The following MPC2 variants were observed in gnomAD, a reference collection of about 807,000 sequenced individuals.
MPC2 encodes brain protein 44.
Under a neutral mutation model 19.2 loss-of-function variants are expected in MPC2, and 19 were observed. That is an observed-to-expected ratio of 0.99 (90% CI 0.69 to 1.45). The LOEUF is 1.45. Among genes scored for constraint, MPC2 ranks in the 40% most tolerant of loss-of-function variants. The pLI, the probability that MPC2 is intolerant of heterozygous loss-of-function variation, is 0.00. For missense variants in MPC2, 122 were observed against 153.0 expected, an observed-to-expected ratio of 0.80 and a Z score of 1.07; for synonymous variants, 61 against 54.3, an observed-to-expected ratio of 1.12 and a Z score of -0.54.
At chr1:167,936,144 C>A (rs1258526844) in intron 1 of MPC2, 2 of 355,966 alleles carry the variant, frequency 5.6e-6, no homozygotes, top group South Asian at 3.1e-5. Context: ...CAAGTCTGCG[C>A]TGCGCCCTGC....
chr1:167,931,403 ATTTTT>A (rs1670906174), intron 2 of MPC2, among the ~76,000 whole-genome samples: 1 of 152,118 alleles, frequency 6.6e-6, no homozygotes, highest in Admixed American at 6.5e-5. Flanking sequence ...AAGATATTCT[ATTTTT>A]CACCAATATT....
At chr1:167,936,019 C>T (rs1021628595) in intron 1 of MPC2, 121 bp from the exon 2 acceptor site, 3 of 612,172 alleles carry the variant, frequency 4.9e-6, no homozygotes, top group African/African-American at 3.7e-5. Context: ...GCGGCCCGCG[C>T]CCCGCGAAGG....
Position 167,932,832 on chromosome 1 carries a change from A to T in MPC2, c.109+2901T>A, listed in dbSNP as rs185910749. Among the ~76,000 whole-genome samples, 33 of 151,722 alleles carry T rather than the reference A, an allele frequency of 2.2e-4. No homozygotes were observed. The East Asian group carries it at 5.2e-3, about 24-fold the overall frequency. ...TCAAAAAAAAAAAAAAAAAAAGAAAAGAAAAGAAAAGAAAAAATAACACTG... is the reference window on the plus strand; with the variant it reads ...TCAAAAAAAAAAAAAAAAAAAGAAATGAAAAGAAAAGAAAAAATAACACTG... On this transcript the variant is annotated intron_variant, in intron 2 of 5. Transcript: ENST00000271373.
In MPC2 at chr1:167,919,422, T is replaced by C. The variant is rs78001000; in HGVS notation, c.347+557A>G. On this transcript the variant is annotated intron_variant, in intron 5 of 5. Coordinates refer to ENST00000271373, the MANE Select transcript of MPC2 (RefSeq NM_001143674.4). Reference sequence around the variant, plus strand: ...TTTCTCAAAAGATCCTGATTTCAAATATTTGATCATAATGTCATTATCATA... The same window carrying C: ...TTTCTCAAAAGATCCTGATTTCAAACATTTGATCATAATGTCATTATCATA... 1.3e-3 allele frequency among the ~76,000 whole-genome samples: 195 copies of C among 152,330 alleles called. 1 individual carries two copies. The highest frequency in any genetic ancestry group is 2.2e-3 in the Non-Finnish European group (149 of 68,036).
chr1:167,933,328 C>T (rs1330660224), intron 2 of MPC2, among the ~76,000 whole-genome samples: 2 of 152,038 alleles, frequency 1.3e-5, no homozygotes, highest in African/African-American at 2.4e-5. Flanking sequence ...CCACTACACC[C>T]GGCTAATTTT....
intron 1 of MPC2, chr1:167,936,450 G>A: frequency 5.5e-6 from 1 of 180,932 alleles, no homozygotes. Context: ...CTCTCTACTC[G>A]TCTTTTATCC....
intron 3 of MPC2, among the ~76,000 whole-genome samples, chr1:167,921,317 G>C (rs1249877744): frequency 6.6e-6 from 1 of 151,806 alleles, no homozygotes; most frequent in Non-Finnish European, 1.5e-5. Flanking sequence ...CCACCTCCCA[G>C]TTTCAAGCAA....
At chr1:167,936,635 C>T in intron 1 of MPC2, 1 of 384,204 alleles carries the variant, frequency 2.6e-6, no homozygotes, top group East Asian at 5.4e-5. Context: ...CCGCCTCCGC[C>T]TCCTCCTGTT....
rs905513165 is a variant in MPC2 at position 167,916,924 on chromosome 1, T to G, written c.*1399A>C. ...CTTCATTGTGGCCTATGTCAAGCTCTCTAATCTTTTCTCCTCAATGGTAGG... is the reference window on the plus strand; with the variant it reads ...CTTCATTGTGGCCTATGTCAAGCTCGCTAATCTTTTCTCCTCAATGGTAGG... On this transcript the variant is annotated 3_prime_UTR_variant, in exon 6 of 6. Coordinates refer to ENST00000271373, the MANE Select transcript of MPC2 (RefSeq NM_001143674.4). The G allele has an allele frequency of 2.6e-5, 4 of 152,230 alleles. No individual in the cohort carries two copies. The highest frequency in any genetic ancestry group is 9.6e-5 in the African/African-American group (4 of 41,454). 9.4% of individuals were successfully genotyped at this position (152,230 alleles called of 1,614,324 possible).
At chr1:167,920,929 GT>G (rs1046106071) in intron 3 of MPC2, among the ~76,000 whole-genome samples, 21 of 151,642 alleles carry the variant, frequency 1.4e-4, no homozygotes, top group Non-Finnish European at 2.8e-4. Context: ...TATATTTTGG[GT>G]TTTTTTTGGT....
chr1:167,921,720 G>GT lies in MPC2; in HGVS notation c.151-1090dup, dbSNP rs536060936. Among the ~76,000 whole-genome samples, 855 of 150,742 alleles carry GT rather than the reference G, an allele frequency of 5.7e-3. 7 individuals carry two copies. The highest frequency in any genetic ancestry group is 0.019 in the African/African-American group (776 of 41,124). ...TGTAATTTACATGATTTAATAAATTGTTTTTTTTTAAAAAAACTAAGCTGG... is the reference window on the plus strand; with the variant it reads ...TGTAATTTACATGATTTAATAAATTGTTTTTTTTTTAAAAAAACTAAGCTGG... On this transcript the variant is annotated intron_variant, in intron 3 of 5. Transcript: ENST00000271373.
In MPC2 at chr1:167,920,555, A is replaced by G. The variant is rs1289531773; in HGVS notation, c.227T>C (p.Met76Thr). 5.6e-6 allele frequency: 9 copies of G among 1,613,696 alleles called. No homozygotes were observed. The highest frequency in any genetic ancestry group is 5.0e-5 in the Admixed American group (3 of 59,960). Residue 76 changes from methionine to threonine, a missense_variant, in exon 4 of 6, where the codon ATG becomes ACG. Transcript: ENST00000271373. ...KLSTAQSAVL[M>T]ATGFIWSRYS... ...ATATTTATTTAATTTACCTGTAGCC[A>G]TCAAAACAGCAGATTGAGCTGTGCT...
intron 3 of MPC2, 34 bp from the exon 4 acceptor site, chr1:167,920,665 C>A: frequency 1.3e-6 from 2 of 1,588,744 alleles, no homozygotes; most frequent in Middle Eastern, 1.7e-4. Flanking sequence ...AAAAAAGTAT[C>A]ACAAATGTGG....
At position 167,918,164 on chromosome 1, in the gene MPC2, TTAAAA is replaced by T. The variant is rs1253692195; in HGVS notation, c.*154_*158del. On this transcript the variant is annotated 3_prime_UTR_variant, in exon 6 of 6. Transcript: ENST00000271373. ...CTTAAGTCATGTAGAGAGACTGTTA[TTAAAA>T]GTTTGCTGCATTTTTCTATTGAATC... is the stretch of plus-strand genomic sequence containing the variant. 9 of 562,120 alleles carry T rather than the reference TTAAAA, an allele frequency of 1.6e-5. No individual in the cohort carries two copies. The highest frequency in any genetic ancestry group is 1.5e-4 in the African/African-American group (8 of 52,334). 34.8% of individuals were successfully genotyped at this position (562,120 alleles called of 1,614,324 possible). A position where few individuals can be genotyped will look rare whatever the true frequency, so the allele number is the denominator to read the frequency against.
intron 2 of MPC2, among the ~76,000 whole-genome samples, chr1:167,930,229 T>TA (rs1028049401): frequency 1.3e-5 from 2 of 152,158 alleles, no homozygotes; most frequent in African/African-American, 4.8e-5. Context: ...TGACTGAAAA[T>TA]ACACTTTGGT....
chr1:167,923,261 A>G (rs1465196793), intron 3 of MPC2, among the ~76,000 whole-genome samples: 1 of 152,230 alleles, frequency 6.6e-6, no homozygotes, highest in African/African-American at 2.4e-5. Flanking sequence ...TCATGGTAGC[A>G]TTATTCACAA....
intron 3 of MPC2, among the ~76,000 whole-genome samples, chr1:167,922,744 A>G (rs1265782656): frequency 6.6e-6 from 1 of 152,180 alleles, no homozygotes; most frequent in Non-Finnish European, 1.5e-5. Flanking sequence ...AGCCAATTCC[A>G]ACTCTAACAT....
In MPC2 at chr1:167,917,597, C is replaced by CA. The variant is rs36120795; in HGVS notation, c.*725dup. ...TGGGCCACAGAGCGAGACCCTGTCTCAAAAAAAAAAAAAAAAAAAAAGTCA... is the reference window on the plus strand; with the variant it reads ...TGGGCCACAGAGCGAGACCCTGTCTCAAAAAAAAAAAAAAAAAAAAAAGTCA... On this transcript the variant is annotated 3_prime_UTR_variant, in exon 6 of 6. Coordinates refer to ENST00000271373, the MANE Select transcript of MPC2 (RefSeq NM_001143674.4). 0.37 allele frequency: 29,220 copies of CA among 79,384 alleles called. 4,902 individuals are homozygous for CA. Among genetic ancestry groups the CA allele is most frequent in the Middle Eastern group, 0.54 (78 of 144 alleles). The allele number at this position is 79,384 out of a possible 1,614,324, so 4.9% of individuals were successfully genotyped here. A position where few individuals can be genotyped will look rare whatever the true frequency, so the allele number is the denominator to read the frequency against.
intron 2 of MPC2, among the ~76,000 whole-genome samples, chr1:167,925,442 CATATATATATAT>C (rs369657697): frequency 7.0e-4 from 58 of 82,480 alleles, no homozygotes; most frequent in East Asian, 1.2e-3. Flanking sequence ...TACATATACA[CATATATATATAT>C]ATATATATAT....
Sources: gnomAD v4.1 joint callset for allele counts (sites outside exome capture counted in the v4.1 genomes callset) on GRCh38, gnomAD v4.1.1 for gene constraint, MANE v1.5 for transcripts, NCBI Gene and HGNC (gene_info 2026-07-23, HGNC 2026-07-21) for gene names.